The following PDE4D variants were observed in gnomAD, a reference collection of about 807,000 sequenced individuals.
The protein encoded by PDE4D is 3',5'-cyclic-AMP phosphodiesterase 4D.
A neutral mutation model predicts 87.4 loss-of-function variants in PDE4D; 24 were observed. The observed-to-expected ratio is 0.27, with a 90% CI of 0.20 to 0.39. The LOEUF (loss-of-function observed/expected upper bound fraction) is 0.39, where lower values mean the gene tolerates loss of function less well. PDE4D is among the 10% of genes least tolerant of loss of function. The pLI is 1.00. For synonymous variants in PDE4D, 384 were observed against 383.2 expected (o/e 1.00, Z -0.02); for missense variants, 714 against 1,041.0 (o/e 0.69, Z 4.32).
chr5:60,323,538 C>A (rs2149846461), intron 1 of PDE4D, among the ~76,000 whole-genome samples: 1 of 152,328 alleles, frequency 6.6e-6, no homozygotes, highest in Non-Finnish European at 1.5e-5. Flanking sequence ...GTAACTTCAG[C>A]AATTCTCTGC....
intron 1 of PDE4D, among the ~76,000 whole-genome samples, chr5:60,412,455 C>T (rs1742125691): frequency 6.6e-6 from 1 of 152,158 alleles, no homozygotes; most frequent in Non-Finnish European, 1.5e-5. Flanking sequence ...TATTCTACCA[C>T]ATTCCACCTT....
chr5:60,450,524 A>G (rs1327617834), intron 1 of PDE4D, among the ~76,000 whole-genome samples: 2 of 152,162 alleles, frequency 1.3e-5, no homozygotes, highest in African/African-American at 2.4e-5. Context: ...CATAATTTTA[A>G]TATGCAGCAT....
At chr5:60,481,961 T>C (rs1034315768) in intron 1 of PDE4D, among the ~76,000 whole-genome samples, 12 of 152,056 alleles carry the variant, frequency 7.9e-5, no homozygotes, top group African/African-American at 2.7e-4. Flanking sequence ...ATAGACATAC[T>C]GAAGAACAGT....
At chr5:59,528,856 A>T in intron 1 of PDE4D, 1 of 287,814 alleles carries the variant, frequency 3.5e-6, no homozygotes, top group South Asian at 3.3e-5. Context: ...GTGCTGGGTC[A>T]CCAAAATGTC....
chr5:59,885,791 G>A (rs955385549), intron 1 of PDE4D, among the ~76,000 whole-genome samples: 6 of 151,452 alleles, frequency 4.0e-5, no homozygotes, highest in Non-Finnish European at 7.4e-5. Context: ...ATTTCACTCT[G>A]TCTTCATAAT....
chr5:59,297,004 C>G (rs1031164116), intron 1 of PDE4D, among the ~76,000 whole-genome samples: 2 of 152,168 alleles, frequency 1.3e-5, no homozygotes, highest in African/African-American at 2.4e-5. Flanking sequence ...AAAAATCCAA[C>G]ACAGGGCTCA....
chr5:59,684,240 C>T (rs576402590), intron 1 of PDE4D, among the ~76,000 whole-genome samples: 1 of 152,264 alleles, frequency 6.6e-6, no homozygotes, highest in African/African-American at 2.4e-5. Context: ...TCTGTCTCCT[C>T]ATATCTTTTG....
intron 1 of PDE4D, among the ~76,000 whole-genome samples, chr5:60,409,296 T>C (rs985391265): frequency 6.6e-6 from 1 of 151,908 alleles, no homozygotes; most frequent in African/African-American, 2.4e-5. Context: ...GAGTAGTAAT[T>C]ATTACATACC....
chr5:59,424,410 G>C (rs1324177605), intron 1 of PDE4D, among the ~76,000 whole-genome samples: 1 of 152,118 alleles, frequency 6.6e-6, no homozygotes, highest in Non-Finnish European at 1.5e-5. Flanking sequence ...GTATTCGTCT[G>C]TTCTCATGCT....
intron 1 of PDE4D, chr5:59,528,919 T>C: frequency 5.0e-6 from 2 of 396,056 alleles, no homozygotes; most frequent in Non-Finnish European, 1.0e-5. Context: ...GACCCTCGAC[T>C]CAGCCAAATA....
At chr5:59,387,034 C>T (rs1485339506) in intron 1 of PDE4D, among the ~76,000 whole-genome samples, 1 of 152,274 alleles carries the variant, frequency 6.6e-6, no homozygotes, top group East Asian at 1.9e-4. Flanking sequence ...ATATTCTACA[C>T]TAGAAATCAA....
chr5:59,026,459 GACTA>G (rs1441173514), intron 6 of PDE4D, among the ~76,000 whole-genome samples: 4 of 152,180 alleles, frequency 2.6e-5, no homozygotes, highest in Non-Finnish European at 5.9e-5. Flanking sequence ...TAATTTATGT[GACTA>G]ACTACAAAAT....
At chr5:59,064,993 G>C (rs1416362642) in intron 5 of PDE4D, among the ~76,000 whole-genome samples, 1 of 150,386 alleles carries the variant, frequency 6.6e-6, no homozygotes, top group Non-Finnish European at 1.5e-5. Context: ...CAGCATATTT[G>C]TAATAGCTAA....
At chr5:59,343,929 ATAT>A (rs1341591523) in intron 1 of PDE4D, among the ~76,000 whole-genome samples, 1 of 152,176 alleles carries the variant, frequency 6.6e-6, no homozygotes, top group Non-Finnish European at 1.5e-5. Flanking sequence ...GGTATAGGTC[ATAT>A]TATGATTACC....
intron 1 of PDE4D, among the ~76,000 whole-genome samples, chr5:60,275,289 C>T (rs1440822610): frequency 2.0e-5 from 3 of 152,126 alleles, no homozygotes; most frequent in Non-Finnish European, 2.9e-5. Flanking sequence ...AAGGAAATGA[C>T]TATGAGAAGC....
At chr5:59,040,356 C>T (rs1759468858) in intron 5 of PDE4D, among the ~76,000 whole-genome samples, 1 of 152,168 alleles carries the variant, frequency 6.6e-6, no homozygotes, top group Admixed American at 6.5e-5. Context: ...TAAGAGTTCT[C>T]TTAAAGGAAC....
intron 1 of PDE4D, among the ~76,000 whole-genome samples, chr5:59,269,062 G>C (rs183003703): frequency 1.1e-4 from 16 of 151,866 alleles, no homozygotes; most frequent in Middle Eastern, 3.4e-3. Flanking sequence ...AAGTTTTAAT[G>C]ATAAGGCCAA....
intron 1 of PDE4D, among the ~76,000 whole-genome samples, chr5:60,480,343 T>C (rs2150214177): frequency 1.3e-5 from 2 of 152,250 alleles, no homozygotes; most frequent in Middle Eastern, 6.8e-3. Flanking sequence ...CACTATGAGA[T>C]ATGCATCATT....
intron 1 of PDE4D, among the ~76,000 whole-genome samples, chr5:60,360,101 T>C (rs1332007116): frequency 6.6e-6 from 1 of 152,182 alleles, no homozygotes; most frequent in Non-Finnish European, 1.5e-5. Flanking sequence ...CTAAAGTGGA[T>C]GTGATTTGTT....
Sources: gnomAD v4.1 joint callset for allele counts (sites outside exome capture counted in the v4.1 genomes callset) on GRCh38, gnomAD v4.1.1 for gene constraint, MANE v1.5 for transcripts, NCBI Gene and HGNC (gene_info 2026-07-23, HGNC 2026-07-21) for gene names.